KCNB2: variants seen among roughly 807,000 people sequenced by gnomAD.
KCNB2 encodes potassium voltage-gated channel subfamily B member 2, also known as delayed rectifier potassium channel protein.
KCNB2 carries 15 observed loss-of-function variants against 61.5 expected under a neutral mutation model. The ratio of observed to expected loss-of-function variants is 0.24; its 90% CI spans 0.16 to 0.38. The LOEUF (loss-of-function observed/expected upper bound fraction) is 0.38, where lower values mean the gene tolerates loss of function less well. Ranked by LOEUF, KCNB2 falls within the 10% of genes least tolerant of loss-of-function variation. The pLI is 1.00. For missense variants in KCNB2, 828 were observed against 1,125.2 expected (o/e 0.74, Z 3.78); for synonymous variants, 457 against 446.0 (o/e 1.02, Z -0.31).
At chr8:72,661,358 A>G (rs1806377946) in intron 2 of KCNB2, 1 of 152,136 alleles carries the variant, frequency 6.6e-6, no homozygotes, top group African/African-American at 2.4e-5. Context: ...TTTTCTTCAG[A>G]ACTCCTTTTG....
intron 1 of KCNB2, among the ~76,000 whole-genome samples, chr8:72,541,605 C>G (rs940347455): frequency 6.6e-6 from 1 of 152,014 alleles, no homozygotes; most frequent in African/African-American, 2.4e-5. Flanking sequence ...CAAAGGATGC[C>G]CTGCTTATTA....
chr8:72,895,110 AGAT>A (rs1368117268), intron 2 of KCNB2, among the ~76,000 whole-genome samples: 2 of 152,216 alleles, frequency 1.3e-5, no homozygotes. Context: ...CTATAATGAC[AGAT>A]GAGAGAGGCA....
rs146774052 is a variant in KCNB2, at chr8:72,808,787, C to T, written c.580-127148C>T. Among the ~76,000 whole-genome samples the T allele has an allele frequency of 9.9e-4, 151 of 152,246 alleles. 3 individuals are homozygous for T. The highest frequency in any genetic ancestry group is 3.5e-3 in the African/African-American group (146 of 41,540). ...CCTCCTTATCTATCTAGTTCAGGGT[C>T]ATGTCCTAAGGGAACCTTCCTGACC... On this transcript the variant is annotated intron_variant, in intron 2 of 2. Transcript: ENST00000523207.
At chr8:72,918,101 A>G (rs1332925663) in intron 2 of KCNB2, among the ~76,000 whole-genome samples, 2 of 152,174 alleles carry the variant, frequency 1.3e-5, no homozygotes, top group African/African-American at 2.4e-5. Context: ...ACAGAGAGAA[A>G]ATTAGTTCCT....
intron 2 of KCNB2, among the ~76,000 whole-genome samples, chr8:72,604,971 T>A (rs1192660293): frequency 1.3e-5 from 2 of 152,228 alleles, no homozygotes; most frequent in Non-Finnish European, 2.9e-5. Context: ...TGGTTTTCTC[T>A]TGTTCTCATA....
At chr8:72,659,075 C>T (rs1054341108) in intron 2 of KCNB2, among the ~76,000 whole-genome samples, 2 of 152,100 alleles carry the variant, frequency 1.3e-5, no homozygotes, top group Non-Finnish European at 2.9e-5. Flanking sequence ...TTTTATATGG[C>T]TACAGCCCCC....
In KCNB2 at chr8:72,715,958, A is replaced by G. The variant is rs1457891527; in HGVS notation, c.579+147645A>G. 2.6e-5 allele frequency among the ~76,000 whole-genome samples: 4 copies of G among 152,234 alleles called. No individual in the cohort carries two copies. In the East Asian group the frequency reaches 7.7e-4, roughly 29 times the overall value. Reference sequence around the variant, plus strand: ...AAAGAGAGAAGAATCAAATAGATGCAATAAAAAATGACAAAGGGGATATCA... The same window carrying G: ...AAAGAGAGAAGAATCAAATAGATGCGATAAAAAATGACAAAGGGGATATCA... On this transcript the variant is annotated intron_variant, in intron 2 of 2. Transcript: ENST00000523207.
chr8:72,769,682 A>G (rs1585883035), intron 2 of KCNB2, among the ~76,000 whole-genome samples: 1 of 152,258 alleles, frequency 6.6e-6, no homozygotes, highest in East Asian at 1.9e-4. Flanking sequence ...GATTGGAAAG[A>G]GCTCTGCATG....
chr8:72,829,144 A>G (rs1373616303), intron 2 of KCNB2, among the ~76,000 whole-genome samples: 1 of 152,242 alleles, frequency 6.6e-6, no homozygotes, highest in African/African-American at 2.4e-5. Flanking sequence ...GAGTTGAGTC[A>G]GTAATTTATT....
intron 2 of KCNB2, among the ~76,000 whole-genome samples, chr8:72,572,571 C>CAT (rs1806727176): frequency 1.0e-4 from 15 of 145,672 alleles, no homozygotes; most frequent in South Asian, 6.8e-4. Flanking sequence ...GCTCTCTCTG[C>CAT]GTCTCTCTCT....
chr8:72,906,689 C>T (rs1401968647), intron 2 of KCNB2, among the ~76,000 whole-genome samples: 1 of 152,198 alleles, frequency 6.6e-6, no homozygotes, highest in African/African-American at 2.4e-5. Flanking sequence ...TCTTTCCCGA[C>T]AGCAATGACT....
intron 1 of KCNB2, among the ~76,000 whole-genome samples, chr8:72,564,870 T>C (rs1209552803): frequency 6.6e-6 from 1 of 152,214 alleles, no homozygotes; most frequent in Non-Finnish European, 1.5e-5. Context: ...ATAGCTTTAA[T>C]CTTAGTTTTC....
In KCNB2 at chr8:72,700,195, G is replaced by A. The variant is rs566093672; in HGVS notation, c.579+131882G>A. Among the ~76,000 whole-genome samples, 51 of 152,070 alleles carry A rather than the reference G, an allele frequency of 3.4e-4. No individual in the cohort carries two copies. In the East Asian group the frequency reaches 9.3e-3, roughly 28 times the overall value. On this transcript the variant is annotated intron_variant, in intron 2 of 2. Transcript: ENST00000523207. ...GAACATCACACACCAGGTTCTGTTG[G>A]GGTTTGGGGGGCAAGGGGAGGGAGA...
At chr8:72,814,574 T>G (rs1809359883) in intron 2 of KCNB2, among the ~76,000 whole-genome samples, 1 of 152,196 alleles carries the variant, frequency 6.6e-6, no homozygotes, top group Non-Finnish European at 1.5e-5. Context: ...TTTGTAAAAC[T>G]TTGGCTAATT....
At chr8:72,757,492 G>A (rs182309079) in intron 2 of KCNB2, among the ~76,000 whole-genome samples, 68 of 152,302 alleles carry the variant, frequency 4.5e-4, no homozygotes, top group African/African-American at 1.6e-3. Flanking sequence ...TAGGGAAAGA[G>A]ATTGAAACTC....
chr8:72,593,777 A>AT (rs1307244984), intron 2 of KCNB2, among the ~76,000 whole-genome samples: 1 of 152,174 alleles, frequency 6.6e-6, no homozygotes. Context: ...TGTTAAGGCC[A>AT]TTTTTTATGG....
At chr8:72,664,823 T>C (rs2128987612) in intron 2 of KCNB2, among the ~76,000 whole-genome samples, 1 of 152,230 alleles carries the variant, frequency 6.6e-6, no homozygotes, top group African/African-American at 2.4e-5. Context: ...ATGAGACTAG[T>C]TTGGAATCAT....
intron 1 of KCNB2, among the ~76,000 whole-genome samples, chr8:72,544,187 G>A (rs1227505168): frequency 6.6e-6 from 1 of 152,176 alleles, no homozygotes; most frequent in African/African-American, 2.4e-5. Context: ...CTAGGCAGAA[G>A]GAACAGCATT....
At chr8:72,643,147 T>A (rs139391152) in intron 2 of KCNB2, among the ~76,000 whole-genome samples, 2 of 152,212 alleles carry the variant, frequency 1.3e-5, no homozygotes, top group East Asian at 3.9e-4. Context: ...ACACACCCTT[T>A]CCACACAAAG....
Sources: allele counts gnomAD v4.1 joint callset (sites outside exome capture counted in the v4.1 genomes callset), GRCh38; gene constraint gnomAD v4.1.1; transcripts MANE v1.5; gene names NCBI Gene and HGNC (gene_info 2026-07-23, HGNC 2026-07-21).